Variants in PLCG2 observed in about 807,000 individuals in gnomAD.
PLCG2 encodes the protein phospholipase C gamma 2.
Under a neutral mutation model 175.6 loss-of-function variants are expected in PLCG2, and 69 were observed. The ratio of observed to expected loss-of-function variants is 0.39; its 90% CI spans 0.32 to 0.48. The LOEUF is 0.48. Among genes scored for constraint, PLCG2 ranks in the 20% least tolerant of loss-of-function variants. The pLI is 0.91. For synonymous variants in PLCG2, 827 were observed against 624.0 expected (o/e 1.33, Z -4.85); for missense variants, 1,798 against 1,650.9 (o/e 1.09, Z -1.54).
At chr16:81,838,609 G>T (rs1388645971) in intron 2 of PLCG2, among the ~76,000 whole-genome samples, 1 of 151,872 alleles carries the variant, frequency 6.6e-6, no homozygotes, top group Non-Finnish European at 1.5e-5. Flanking sequence ...GGGCCTGTCA[G>T]GGGGTGGGGG....
chr16:81,910,129 C>T (rs569577471), intron 17 of PLCG2, among the ~76,000 whole-genome samples: 7 of 152,058 alleles, frequency 4.6e-5, no homozygotes, highest in South Asian at 2.1e-4. Context: ...CTCGCTCTGT[C>T]GCCCAGGCTG....
At chr16:81,797,867 T>C (rs1911542502) in intron 2 of PLCG2, among the ~76,000 whole-genome samples, 1 of 151,690 alleles carries the variant, frequency 6.6e-6, no homozygotes, top group African/African-American at 2.4e-5. Context: ...AGTCTCACTC[T>C]GTCCCCAGGC....
chr16:81,887,148 C>G (rs544136071), intron 9 of PLCG2, among the ~76,000 whole-genome samples: 1 of 149,990 alleles, frequency 6.7e-6, no homozygotes, highest in East Asian at 2.0e-4. Flanking sequence ...GAGATGGAGT[C>G]TCGCTCTGTC....
rs918381127 is a variant in PLCG2 at position 81,849,787 on chromosome 16, A to C, written c.194-4657A>C. ...ACTCTGTCTCAAAAAAAAAAAAAAAAAAAAAAAAAACCAAAAAAATTCCCT... is the reference window on the plus strand; with the variant it reads ...ACTCTGTCTCAAAAAAAAAAAAAAACAAAAAAAAAACCAAAAAAATTCCCT... On this transcript the variant is annotated intron_variant, in intron 2 of 32. Coordinates refer to ENST00000564138, the MANE Select transcript of PLCG2 (RefSeq NM_002661.5). Among the ~76,000 whole-genome samples, 30 of 151,268 alleles carry C rather than the reference A, an allele frequency of 2.0e-4. No homozygotes were observed. The South Asian group carries it at 5.8e-3, about 29-fold the overall frequency.
At chr16:81,823,627 G>A (rs1904903191) in intron 2 of PLCG2, among the ~76,000 whole-genome samples, 1 of 152,120 alleles carries the variant, frequency 6.6e-6, no homozygotes, top group African/African-American at 2.4e-5. Context: ...CTGGGCTCAA[G>A]CGATCTTCCC....
rs1460167409 is a variant in PLCG2, at chr16:81,758,930, G to A, written c.-48+2964G>A. 3.3e-5 allele frequency among the ~76,000 whole-genome samples: 5 copies of A among 152,148 alleles called. No homozygotes were observed. The East Asian group carries it at 5.8e-4, about 18-fold the overall frequency. On this transcript the variant is annotated intron_variant, in intron 2 of 5. Coordinates refer to the PLCG2 transcript ENST00000565054. The stretch of plus-strand genomic sequence containing the variant: ...TGACCTCAGGTGATCCACCTGCCTC[G>A]GCCTCCCAAAGTGCTGAGATTACAG...
At chr16:81,916,392 T>C (rs936939357) in intron 19 of PLCG2, among the ~76,000 whole-genome samples, 7 of 152,292 alleles carry the variant, frequency 4.6e-5, no homozygotes, top group African/African-American at 1.4e-4. Flanking sequence ...TTGATTTTTT[T>C]CCCTGCCATG....
At chr16:81,761,829 ATTT>A (rs556864309) in intron 2 of PLCG2, among the ~76,000 whole-genome samples, 11 of 130,170 alleles carry the variant, frequency 8.5e-5, no homozygotes, top group Admixed American at 2.3e-4. Flanking sequence ...CACCCTGCAC[ATTT>A]TTTTTTTTTT....
At chr16:81,776,468 G>A (rs1910410628), upstream of PLCG2, among the ~76,000 whole-genome samples, 1 of 151,948 alleles carries the variant, frequency 6.6e-6, no homozygotes, top group Non-Finnish European at 1.5e-5. Context: ...ACACAGAATG[G>A]TTCCTTCCCC....
intron 2 of PLCG2, among the ~76,000 whole-genome samples, chr16:81,820,847 C>T (rs892781505): frequency 6.6e-6 from 1 of 151,116 alleles, no homozygotes; most frequent in Non-Finnish European, 1.5e-5. Context: ...TCTAGAACTC[C>T]TGACGTCAAA....
rs149454268 is a variant in PLCG2 at position 81,945,129 on chromosome 16, T to C, written c.3482-1046T>C. 5.3e-5 allele frequency among the ~76,000 whole-genome samples: 8 copies of C among 152,340 alleles called. No homozygotes were observed. In the East Asian group the frequency reaches 1.3e-3, roughly 26 times the overall value. On this transcript the variant is annotated intron_variant, in intron 30 of 32. Coordinates refer to ENST00000564138, the MANE Select transcript of PLCG2 (RefSeq NM_002661.5). ...AACAGGTTTGTGTAAGAATGTGACC[T>C]TCCTCTTCATAAGCAGCGGAAAGTG...
chr16:81,960,080 G>T lies in PLCG2; in HGVS notation c.*2082G>T. The T allele has an allele frequency of 4.6e-6, 1 of 219,408 alleles. No homozygotes were observed. The highest frequency in any genetic ancestry group is 9.1e-6 in the Non-Finnish European group (1 of 109,370). 13.6% of individuals were successfully genotyped at this position (219,408 alleles called of 1,614,324 possible). ...AGGGGATTATGACATAAATGGTGCTGGGAAGAACCCTCTGCCTAAAACTGT... is the reference window on the plus strand; with the variant it reads ...AGGGGATTATGACATAAATGGTGCTTGGAAGAACCCTCTGCCTAAAACTGT... On this transcript the variant is annotated 3_prime_UTR_variant, in exon 33 of 33. Transcript: ENST00000564138.
chr16:81,785,877 C>T (rs1910945781), intron 1 of PLCG2, 66 bp from the exon 2 acceptor site: 1 of 994,170 alleles, frequency 1.0e-6, no homozygotes, highest in Non-Finnish European at 1.5e-6. Context: ...TCCTGAAGTT[C>T]ATGCCCTGTT....
At chr16:81,795,224 G>T (rs954282945) in intron 2 of PLCG2, among the ~76,000 whole-genome samples, 1 of 152,190 alleles carries the variant, frequency 6.6e-6, no homozygotes, top group Non-Finnish European at 1.5e-5. Context: ...GATCGTGATA[G>T]ACGCTAGGAA....
intron 9 of PLCG2, among the ~76,000 whole-genome samples, chr16:81,886,290 C>G (rs1908363097): frequency 6.6e-6 from 1 of 152,210 alleles, no homozygotes; most frequent in Non-Finnish European, 1.5e-5. Context: ...TGTAGGAAAT[C>G]TCTCTCTCTG....
chr16:81,874,819 T>C (rs1907687159), intron 7 of PLCG2, among the ~76,000 whole-genome samples: 1 of 152,142 alleles, frequency 6.6e-6, no homozygotes, highest in Non-Finnish European at 1.5e-5. Flanking sequence ...GGATAAGAAA[T>C]GTAATCTCAC....
chr16:81,952,385 T>A (rs1911402432), intron 31 of PLCG2, among the ~76,000 whole-genome samples: 2 of 152,174 alleles, frequency 1.3e-5, no homozygotes, highest in Admixed American at 1.3e-4. Context: ...GTCATTGGAT[T>A]CTCAATTCCA....
intron 8 of PLCG2, among the ~76,000 whole-genome samples, chr16:81,881,245 A>AT (rs763011936): frequency 6.0e-5 from 8 of 133,700 alleles, no homozygotes; most frequent in Non-Finnish European, 1.2e-4. Context: ...ACAGGTTAAT[A>AT]GTTTTTTTTT....
chr16:81,883,900 G>C (rs936412780), intron 9 of PLCG2, among the ~76,000 whole-genome samples: 3 of 152,196 alleles, frequency 2.0e-5, no homozygotes, highest in East Asian at 1.9e-4. Flanking sequence ...GTTTTCCACT[G>C]CTGTGACGAT....
Sources: allele counts gnomAD v4.1 joint callset (sites outside exome capture counted in the v4.1 genomes callset), GRCh38; gene constraint gnomAD v4.1.1; transcripts MANE v1.5; gene names NCBI Gene and HGNC (gene_info 2026-07-23, HGNC 2026-07-21).